Variants in RUNX2 observed in about 807,000 individuals in gnomAD.
RUNX2 encodes runt-related transcription factor 2.
RUNX2 carries 10 observed loss-of-function variants against 51.7 expected under a neutral mutation model. The observed-to-expected ratio is 0.19, with a 90% CI of 0.12 to 0.33. RUNX2 has a LOEUF of 0.33. RUNX2 is among the 10% of genes least tolerant of loss of function. The pLI is 1.00. For synonymous variants in RUNX2, 276 were observed against 273.6 expected (o/e 1.01, Z -0.09); for missense variants, 562 against 691.3 (o/e 0.81, Z 2.10).
At chr6:45,342,197 A>G (rs1251467954) in intron 2 of RUNX2, among the ~76,000 whole-genome samples, 1 of 152,130 alleles carries the variant, frequency 6.6e-6, no homozygotes, top group Non-Finnish European at 1.5e-5. Flanking sequence ...AAATAGAATG[A>G]GTTCTCTTTG....
chr6:45,458,736 C>G (rs1033682700), intron 5 of RUNX2, among the ~76,000 whole-genome samples: 2 of 152,160 alleles, frequency 1.3e-5, no homozygotes, highest in Non-Finnish European at 2.9e-5. Context: ...CTACATAAAA[C>G]TCATATGTAA....
chr6:45,528,416 T>C lies in RUNX2; in HGVS notation c.1021+16009T>C, dbSNP rs368604671. On this transcript the variant is annotated intron_variant, in intron 7 of 8. Coordinates refer to ENST00000647337, the MANE Select transcript of RUNX2 (RefSeq NM_001024630.4). The stretch of plus-strand genomic sequence containing the variant: ...CAGGTGGATCATTTGAGGTCAGGAG[T>C]TCAAGATTAGCCTGGCCAACACAGT... Among the ~76,000 whole-genome samples, 8 of 151,384 alleles carry C rather than the reference T, an allele frequency of 5.3e-5. No homozygotes were observed. In the East Asian group the frequency reaches 1.4e-3, roughly 26 times the overall value.
At chr6:45,385,909 T>C (rs1797337302) in intron 2 of RUNX2, among the ~76,000 whole-genome samples, 1 of 152,078 alleles carries the variant, frequency 6.6e-6, no homozygotes, top group Admixed American at 6.6e-5. Context: ...ATATCGTGCT[T>C]CTCCACAGTG....
At chr6:45,528,375 C>T (rs1801737234) in intron 7 of RUNX2, among the ~76,000 whole-genome samples, 3 of 152,184 alleles carry the variant, frequency 2.0e-5, no homozygotes. Context: ...AATCCCAGCA[C>T]TTTGGGAGAC....
intron 2 of RUNX2, among the ~76,000 whole-genome samples, chr6:45,394,849 A>G (rs11759301): frequency 1.3e-3 from 201 of 152,274 alleles, no homozygotes; most frequent in East Asian, 5.6e-3. Context: ...GCATATTTCA[A>G]ATGATTGCTT....
At chr6:45,464,022 T>A (rs1271912848) in intron 5 of RUNX2, among the ~76,000 whole-genome samples, 2 of 151,998 alleles carry the variant, frequency 1.3e-5, no homozygotes. Context: ...TGAAACCCCG[T>A]CCCTACTAAA....
At chr6:45,365,843 T>A (rs889214847) in intron 2 of RUNX2, among the ~76,000 whole-genome samples, 1 of 150,632 alleles carries the variant, frequency 6.6e-6, no homozygotes, top group African/African-American at 2.4e-5. Flanking sequence ...AACAAAAGCC[T>A]AAAATACAAA....
At chr6:45,433,199 A>G (rs1175544462) in intron 4 of RUNX2, among the ~76,000 whole-genome samples, 1 of 152,216 alleles carries the variant, frequency 6.6e-6, no homozygotes, top group African/African-American at 2.4e-5. Context: ...TGTTTGAAAT[A>G]AAATGAGGCT....
intron 2 of RUNX2, among the ~76,000 whole-genome samples, chr6:45,391,261 C>G (rs1797463109): frequency 6.6e-6 from 1 of 152,096 alleles, no homozygotes; most frequent in Non-Finnish European, 1.5e-5. Flanking sequence ...GGCACCATCC[C>G]CTTGGTAAAA....
intron 5 of RUNX2, among the ~76,000 whole-genome samples, chr6:45,480,683 A>G (rs1026227626): frequency 6.6e-6 from 1 of 152,250 alleles, no homozygotes; most frequent in Non-Finnish European, 1.5e-5. Flanking sequence ...GTCTTAGACT[A>G]GATTAAAACT....
intron 5 of RUNX2, among the ~76,000 whole-genome samples, chr6:45,483,125 C>T (rs1361250568): frequency 6.6e-6 from 1 of 152,186 alleles, no homozygotes; most frequent in Non-Finnish European, 1.5e-5. Context: ...TACTCACGAG[C>T]TATCCTGTAT....
chr6:45,388,402 A>G (rs1797399695), intron 2 of RUNX2, among the ~76,000 whole-genome samples: 1 of 152,224 alleles, frequency 6.6e-6, no homozygotes, highest in Non-Finnish European at 1.5e-5. Flanking sequence ...GCTAGCCCAG[A>G]GCATACAGCA....
chr6:45,501,225 G>A (rs145509129), intron 6 of RUNX2, among the ~76,000 whole-genome samples: 39 of 152,306 alleles, frequency 2.6e-4, no homozygotes, highest in African/African-American at 3.9e-4. Flanking sequence ...CTAATATTCT[G>A]TTAATATATC....
In RUNX2 at chr6:45,336,569, T is replaced by C. The variant is rs1478030766; in HGVS notation, c.58+7785T>C. On this transcript the variant is annotated intron_variant, in intron 2 of 8. Transcript: ENST00000647337. The stretch of plus-strand genomic sequence containing the variant: ...AAAACATCAAAATACTTGGCTTAAA[T>C]TGCTAAATTATTTAATTATTAAATG... 2.6e-5 allele frequency among the ~76,000 whole-genome samples: 4 copies of C among 151,454 alleles called. No homozygotes were observed. In the South Asian group the frequency reaches 6.2e-4, roughly 24 times the overall value.
intron 2 of RUNX2, among the ~76,000 whole-genome samples, chr6:45,414,037 A>G (rs561620560): frequency 1.3e-5 from 2 of 152,366 alleles, no homozygotes; most frequent in Non-Finnish European, 2.9e-5. Flanking sequence ...AAAATATCAA[A>G]GTATTAAATA....
Position 45,500,842 on chromosome 6 carries a change from A to G in RUNX2, c.859+8728A>G, listed in dbSNP as rs114264874. The stretch of plus-strand genomic sequence containing the variant: ...TGTCTGCTAGGACTAGGTAGGATTC[A>G]GTACAACACAGGGGAACAAGGAAGA... On this transcript the variant is annotated intron_variant, in intron 6 of 8. Transcript: ENST00000647337. Among the ~76,000 whole-genome samples the G allele has an allele frequency of 4.7e-3, 721 of 152,338 alleles. 5 individuals carry two copies. Among genetic ancestry groups the G allele is most frequent in the African/African-American group, 0.016 (679 of 41,574 alleles).
intron 2 of RUNX2, among the ~76,000 whole-genome samples, chr6:45,337,154 C>T (rs1788736095): frequency 6.6e-6 from 1 of 151,564 alleles, no homozygotes; most frequent in Admixed American, 6.6e-5. Context: ...TTTGAACTGC[C>T]CATATGAACA....
chr6:45,419,207 G>C (rs1304948178), intron 2 of RUNX2, among the ~76,000 whole-genome samples: 1 of 152,162 alleles, frequency 6.6e-6, no homozygotes, highest in Non-Finnish European at 1.5e-5. Context: ...GGAATTCTCT[G>C]TTCTATGGAC....
rs1436958649 is a variant in RUNX2, at chr6:45,445,213, A to G, written c.685+7162A>G. ...CTAATTTTTTGTATTTTTAGTGGAG[A>G]CGGGATTTCACCATGTTGGCCAGGC... On this transcript the variant is annotated intron_variant, in intron 5 of 8. Coordinates refer to ENST00000647337, the MANE Select transcript of RUNX2 (RefSeq NM_001024630.4). Among the ~76,000 whole-genome samples, 4 of 151,864 alleles carry G rather than the reference A, an allele frequency of 2.6e-5. No homozygotes were observed. The East Asian group carries it at 5.8e-4, about 22-fold the overall frequency.
Sources: gnomAD v4.1 joint callset for allele counts (sites outside exome capture counted in the v4.1 genomes callset) on GRCh38, gnomAD v4.1.1 for gene constraint, MANE v1.5 for transcripts, NCBI Gene and HGNC (gene_info 2026-07-23, HGNC 2026-07-21) for gene names.